MAP2K5: variants seen among roughly 807,000 people sequenced by gnomAD.
MAP2K5 encodes mitogen-activated protein kinase kinase 5.
A neutral mutation model predicts 83.1 loss-of-function variants in MAP2K5; 49 were observed. The observed-to-expected ratio is 0.59, with a 90% CI of 0.47 to 0.75. The LOEUF (loss-of-function observed/expected upper bound fraction) is 0.75, where lower values mean the gene tolerates loss of function less well. Among genes scored for constraint, MAP2K5 ranks in the 30% least tolerant of loss-of-function variants. The pLI is 0.00. For missense variants in MAP2K5, 457 were observed against 557.5 expected, an observed-to-expected ratio of 0.82 and a Z score of 1.82; for synonymous variants, 202 against 191.8, an observed-to-expected ratio of 1.05 and a Z score of -0.44.
chr15:67,753,985 A>C (rs912263841), intron 19 of MAP2K5, among the ~76,000 whole-genome samples: 2 of 152,264 alleles, frequency 1.3e-5, no homozygotes. Context: ...AATAGGAATG[A>C]AGTACTGATA....
At chr15:67,651,615 C>G (rs192341663) in intron 11 of MAP2K5, among the ~76,000 whole-genome samples, 1 of 152,320 alleles carries the variant, frequency 6.6e-6, no homozygotes, top group East Asian at 1.9e-4. Context: ...TGAGTGAGAA[C>G]ATATATGTCT....
chr15:67,699,449 G>T (rs2088355896), intron 15 of MAP2K5, among the ~76,000 whole-genome samples: 1 of 152,188 alleles, frequency 6.6e-6, no homozygotes, highest in Non-Finnish European at 1.5e-5. Flanking sequence ...AAACTGAAGA[G>T]GAGGCATCTG....
intron 8 of MAP2K5, among the ~76,000 whole-genome samples, chr15:67,603,567 G>C (rs2085710608): frequency 6.6e-6 from 1 of 152,136 alleles, no homozygotes; most frequent in African/African-American, 2.4e-5. Flanking sequence ...ATTCTTGAGA[G>C]GGGCGGTGAA....
rs972641816 is a variant in MAP2K5, at chr15:67,637,299, C to G, written c.585+6372C>G. On this transcript the variant is annotated intron_variant, in intron 9 of 21. Transcript: ENST00000178640. The surrounding 1 kb of genome is among the most constrained non-coding windows in gnomAD (Gnocchi z 4.5). ...CTATTAGTTCTGTCCCTCTAGAGAA[C>G]CCTGACTAATACAGAGATGGTATTT... Among the ~76,000 whole-genome samples, 1 of 152,108 alleles carries G rather than the reference C, an allele frequency of 6.6e-6. No individual in the cohort carries two copies. The highest frequency in any genetic ancestry group is 1.5e-5 in the Non-Finnish European group (1 of 68,022).
chr15:67,763,583 G>A (rs1205090268), intron 19 of MAP2K5, among the ~76,000 whole-genome samples: 1 of 152,038 alleles, frequency 6.6e-6, no homozygotes, highest in Non-Finnish European at 1.5e-5. Context: ...TTGGTTTGAA[G>A]ATTAGCTTCT....
chr15:67,634,569 C>G (rs904549328), intron 9 of MAP2K5, among the ~76,000 whole-genome samples: 3 of 151,894 alleles, frequency 2.0e-5, no homozygotes, highest in African/African-American at 7.3e-5. Context: ...TTGTGGCCTA[C>G]AGTTCTGTTA....
chr15:67,737,844 CTTTTT>C (rs35988425), intron 17 of MAP2K5, among the ~76,000 whole-genome samples: 3 of 69,296 alleles, frequency 4.3e-5, no homozygotes, highest in Non-Finnish European at 7.4e-5. Flanking sequence ...ATAGAATAGT[CTTTTT>C]TTTTTTTTTT....
chr15:67,678,189 T>C (rs919450383), intron 13 of MAP2K5, among the ~76,000 whole-genome samples: 25 of 152,314 alleles, frequency 1.6e-4, no homozygotes, highest in African/African-American at 6.0e-4. Context: ...TATATTGTTT[T>C]TTTTCTTTTC....
chr15:67,748,702 G>A lies in MAP2K5; in HGVS notation c.1134+101G>A. 1 of 1,107,978 alleles carries A rather than the reference G, an allele frequency of 9.0e-7. No homozygotes were observed. The highest frequency in any genetic ancestry group is 1.3e-5 in the South Asian group (1 of 75,542). The allele number at this position is 1,107,978 out of a possible 1,614,324, so 68.6% of individuals were successfully genotyped here. ...ATGAAGCACAATGCCCAACATCCTT[G>A]GAGCAAGTTGTGTTGTATGGCTCTG... On this transcript the variant is annotated intron_variant, in intron 19 of 21. Transcript: ENST00000178640. The surrounding 1 kb of genome is among the most constrained non-coding windows in gnomAD (Gnocchi z 4.0).
At chr15:67,739,977 G>A (rs2089457169) in intron 17 of MAP2K5, among the ~76,000 whole-genome samples, 1 of 152,192 alleles carries the variant, frequency 6.6e-6, no homozygotes. Context: ...AGCTTTAGGG[G>A]TTGGAAGGAT....
rs967326715 is a variant in MAP2K5, at chr15:67,561,138, C to T, written c.185-2145C>T. On this transcript the variant is annotated intron_variant, in intron 2 of 21. Coordinates refer to ENST00000178640, the MANE Select transcript of MAP2K5 (RefSeq NM_145160.3). This position sits in a 1 kb window ranked among gnomAD's most constrained non-coding sequence, Gnocchi z 4.2. ...CTGGAATTTGTTTTTATGCCAAGTT[C>T]AGAACTTCATAAAGAACAAATCAGT... Among the ~76,000 whole-genome samples, 1 of 152,092 alleles carries T rather than the reference C, an allele frequency of 6.6e-6. No homozygotes were observed. The highest frequency in any genetic ancestry group is 2.4e-5 in the African/African-American group (1 of 41,416).
intron 3 of MAP2K5, among the ~76,000 whole-genome samples, chr15:67,571,833 G>T (rs1191149111): frequency 2.6e-5 from 4 of 152,088 alleles, no homozygotes; most frequent in Admixed American, 1.3e-4. Flanking sequence ...CATCCAATCA[G>T]TTTTTCATGC....
chr15:67,580,897 G>A (rs558167140), intron 4 of MAP2K5, 74 bp downstream of exon 4: 2 of 977,762 alleles, frequency 2.0e-6, no homozygotes, highest in Non-Finnish European at 3.3e-6. Flanking sequence ...GTTTCCAAAG[G>A]TTTAAATGCA....
rs2090194496 is a variant in MAP2K5, at chr15:67,774,165, GTA to G, written c.1242+1415_1242+1416del. ...TGCCTTGAAAGCAAGTGATGTGTGT[GTA>G]TGTGTGTGTGTGTGTGTGTGTGTGT... is the stretch of plus-strand genomic sequence containing the variant. On this transcript the variant is annotated intron_variant, in intron 21 of 21. Coordinates refer to ENST00000178640, the MANE Select transcript of MAP2K5 (RefSeq NM_145160.3). This position sits in a 1 kb window ranked among gnomAD's most constrained non-coding sequence, Gnocchi z 4.9. Among the ~76,000 whole-genome samples, 1 of 37,832 alleles carries G rather than the reference GTA, an allele frequency of 2.6e-5. No individual in the cohort carries two copies. The highest frequency in any genetic ancestry group is 7.4e-5 in the African/African-American group (1 of 13,572). The allele number at this position is 37,832 out of a possible 152,430, so 24.8% of individuals were successfully genotyped here. A position where few individuals can be genotyped will look rare whatever the true frequency, so the allele number is the denominator to read the frequency against.
intron 13 of MAP2K5, among the ~76,000 whole-genome samples, chr15:67,692,010 T>C (rs1211404282): frequency 6.6e-6 from 1 of 152,248 alleles, no homozygotes; most frequent in Non-Finnish European, 1.5e-5. Flanking sequence ...TATGACCTGT[T>C]ACCCGTAGCA....
chr15:67,669,473 C>A (rs568702790), intron 13 of MAP2K5, among the ~76,000 whole-genome samples: 1 of 151,994 alleles, frequency 6.6e-6, no homozygotes, highest in Non-Finnish European at 1.5e-5. Context: ...GAGTAGACAC[C>A]ACAGGATGTG....
At chr15:67,653,445 T>A (rs66760415) in intron 11 of MAP2K5, among the ~76,000 whole-genome samples, 21,267 of 151,852 alleles carry the variant, frequency 0.14, 1,600 homozygotes, top group East Asian at 0.22. Flanking sequence ...AGCTACTCTG[T>A]GCCACCATGC....
chr15:67,689,667 G>GA (rs1289436446), intron 13 of MAP2K5, among the ~76,000 whole-genome samples: 1 of 152,172 alleles, frequency 6.6e-6, no homozygotes, highest in Non-Finnish European at 1.5e-5. Flanking sequence ...TGGAAAGCTG[G>GA]AAAAATGCAG....
chr15:67,634,393 A>AAAAT (rs1567324887), intron 9 of MAP2K5, among the ~76,000 whole-genome samples: 12 of 105,214 alleles, frequency 1.1e-4, no homozygotes, highest in Non-Finnish European at 2.3e-4. Flanking sequence ...AAAAAAAAAA[A>AAAAT]AAAAAAAAAA....
Sources: gnomAD v4.1 joint callset for allele counts (sites outside exome capture counted in the v4.1 genomes callset) on GRCh38, gnomAD v4.1.1 for gene constraint, Gnocchi (gnomAD v3.1) non-coding constraint, MANE v1.5 for transcripts, NCBI Gene and HGNC (gene_info 2026-07-23, HGNC 2026-07-21) for gene names.